Variants in AATK observed in about 807,000 individuals in gnomAD.
AATK encodes serine/threonine-protein kinase LMTK1.
AATK carries 91 observed loss-of-function variants against 114.3 expected under a neutral mutation model. That is an observed-to-expected ratio of 0.80 (90% CI 0.67 to 0.95). AATK has a LOEUF of 0.95. Ranked by LOEUF, AATK falls within the 40% of genes least tolerant of loss-of-function variation. The pLI is 0.00. For synonymous variants in AATK, 1,075 were observed against 916.5 expected (o/e 1.17, Z -3.12); for missense variants, 2,176 against 1,965.2 (o/e 1.11, Z -2.03).
intron 1 of AATK, among the ~76,000 whole-genome samples, chr17:81,146,599 C>T (rs1343862911): frequency 2.0e-5 from 3 of 152,012 alleles, no homozygotes; most frequent in Admixed American, 2.0e-4. Flanking sequence ...GCCTGTAGTC[C>T]CAGCTACTCG....
Position 81,120,884 on chromosome 17 carries a change from C to T in AATK, c.3052G>A (p.Asp1018Asn), listed in dbSNP as rs368416739. Residue 1018 changes from aspartate to asparagine, a missense_variant, in exon 11 of 14, where the codon GAC (aspartate) becomes AAC (asparagine). By Grantham distance (23) the Asp-to-Asn change is conservative. Coordinates refer to ENST00000326724, the MANE Select transcript of AATK (RefSeq NM_001080395.3). The part of the protein sequence containing the change: ...TSGPEKKCGG[D>N]RAPGPELGLP... ...CCCAGCTCTGGCCCGGGGGCTCGGT[C>T]CCCGCCGCACTTCTTCTCTGGGCCT... 6.3e-7 allele frequency: 1 copy of T among 1,582,030 alleles called. No homozygotes were observed. Among genetic ancestry groups the T allele is most frequent in the Non-Finnish European group, 8.6e-7 (1 of 1,164,558 alleles).
intron 1 of AATK, chr17:81,165,683 T>C (rs1034163059): frequency 1.3e-6 from 2 of 1,511,746 alleles, no homozygotes; most frequent in South Asian, 1.2e-5. Context: ...CCCAGTTACC[T>C]GTGCCCTGGA....
intron 1 of AATK, among the ~76,000 whole-genome samples, chr17:81,159,845 C>T (rs2061409574): frequency 6.6e-6 from 1 of 152,088 alleles, no homozygotes; most frequent in African/African-American, 2.4e-5. Context: ...AGCCTGGCTC[C>T]CCCAGGCCAG....
rs763511816 is a variant in AATK, at chr17:81,125,026, GGCAGGGGCAGGGGCAGGGTGA to G, written c.756-33_756-13del. 6.1e-6 allele frequency: 9 copies of G among 1,475,914 alleles called. No individual in the cohort carries two copies. The highest frequency in any genetic ancestry group is 5.0e-5 in the East Asian group (2 of 39,982). The allele number at this position is 1,475,914 out of a possible 1,614,324, so 91.4% of individuals were successfully genotyped here. ...GCAGGGCCAGGTCGCTGCAGGCAGG[GGCAGGGGCAGGGGCAGGGTGA>G]GCAGGGTGAGCAGGGTGTGCCGGGT... On this transcript the variant is annotated splice_polypyrimidine_tract_variant and intron_variant, in intron 7 of 13. Coordinates refer to ENST00000326724, the MANE Select transcript of AATK (RefSeq NM_001080395.3).
intron 13 of AATK, 114 bp downstream of exon 13, chr17:81,119,266 C>CTGGGAA: frequency 8.7e-7 from 1 of 1,144,102 alleles, no homozygotes; most frequent in Non-Finnish European, 1.2e-6. Context: ...AGGAGCGGAG[C>CTGGGAA]GGAGCGGAGC....
chr17:81,165,479 G>A (rs1032950429), intron 1 of AATK: 2 of 427,512 alleles, frequency 4.7e-6, no homozygotes, highest in Admixed American at 3.4e-5. Flanking sequence ...ATCCCCCGCC[G>A]GCTGCTGGTG....
Position 81,122,364 on chromosome 17 carries a change from C to T in AATK, c.1572G>A (p.Pro524=), listed in dbSNP as rs1422042382. 3 of 1,507,320 alleles carry T rather than the reference C, an allele frequency of 2.0e-6. No homozygotes were observed. Among genetic ancestry groups the T allele is most frequent in the South Asian group, 1.2e-5 (1 of 82,176 alleles). 93.4% of individuals were successfully genotyped at this position (1,507,320 alleles called of 1,614,324 possible). Residue 524 remains proline, a synonymous_variant, in exon 11 of 14, where the codon CCG becomes CCA. Coordinates refer to ENST00000326724, the MANE Select transcript of AATK (RefSeq NM_001080395.3). ...GGATGAAGTACTCGCTGCCCAGCGA[C>T]GGGCTGTGCGCGCTGAGCACCGGAA... ...GVVPVLSAHS[P]SLGSEYFIRL... is the part of the protein sequence containing the mutation.
intron 1 of AATK, among the ~76,000 whole-genome samples, chr17:81,139,574 G>T (rs56243117): frequency 2.9e-4 from 6 of 20,764 alleles, no homozygotes; most frequent in Non-Finnish European, 9.5e-4. Flanking sequence ...CACATGCTGC[G>T]CGGCCCCCAG....
chr17:81,145,262 A>AGAAAAG (rs2061200877), intron 1 of AATK, among the ~76,000 whole-genome samples: 1 of 30,704 alleles, frequency 3.3e-5, no homozygotes, highest in Non-Finnish European at 8.8e-5. Flanking sequence ...AAAAAGAAAA[A>AGAAAAG]GAAAAAAGAA....
At position 81,126,605 on chromosome 17, in the gene AATK, G is replaced by C. The variant is rs1166712564; in HGVS notation, c.622-45C>G. The stretch of plus-strand genomic sequence containing the variant: ...CGCAGTCACCAGCAGGCTGGGGGCT[G>C]GCCACCCTGGGAGGTCCCCACCTAC... On this transcript the variant is annotated intron_variant, in intron 6 of 13. Coordinates refer to ENST00000326724, the MANE Select transcript of AATK (RefSeq NM_001080395.3). The surrounding 1 kb of genome is among the most constrained non-coding windows in gnomAD (Gnocchi z 5.1). 6.6e-7 allele frequency: 1 copy of C among 1,516,796 alleles called. No individual in the cohort carries two copies. The highest frequency in any genetic ancestry group is 2.0e-5 in the Admixed American group (1 of 49,038). 94.0% of individuals were successfully genotyped at this position (1,516,796 alleles called of 1,614,324 possible).
intron 12 of AATK, 121 bp downstream of exon 12, chr17:81,119,814 TC>T: frequency 7.5e-7 from 1 of 1,333,048 alleles, no homozygotes. Flanking sequence ...AAAGCCCGCC[TC>T]CCACGCGTCA....
At chr17:81,162,299 AG>A (rs141064115) in intron 1 of AATK, among the ~76,000 whole-genome samples, 7,469 of 151,894 alleles carry the variant, frequency 0.049, 257 homozygotes, top group Non-Finnish European at 0.077. Context: ...GAGAGGAAGT[AG>A]GGGGATGGGC....
chr17:81,124,573 C>T (rs2060768684), intron 9 of AATK, among the ~76,000 whole-genome samples, 154 bp downstream of exon 9: 1 of 152,214 alleles, frequency 6.6e-6, no homozygotes, highest in Non-Finnish European at 1.5e-5. Context: ...GGTGTGGGGT[C>T]GCCACCCAAC....
Position 81,118,462 on chromosome 17 carries a change from A to T in AATK, c.4085-20T>A. 1 of 1,603,970 alleles carries T rather than the reference A, an allele frequency of 6.2e-7. No individual in the cohort carries two copies. The highest frequency in any genetic ancestry group is 8.5e-7 in the Non-Finnish European group (1 of 1,176,164). Reference sequence around the variant, plus strand: ...CAGGTCCTGGCAAGCAGGACAACAAAGTGAACACAGGGTTCTGAGACACCA... The same window carrying T: ...CAGGTCCTGGCAAGCAGGACAACAATGTGAACACAGGGTTCTGAGACACCA... On this transcript the variant is annotated intron_variant, in intron 13 of 13. Coordinates refer to ENST00000326724, the MANE Select transcript of AATK (RefSeq NM_001080395.3).
intron 1 of AATK, among the ~76,000 whole-genome samples, chr17:81,137,385 C>T (rs1364628885): frequency 6.6e-6 from 1 of 152,068 alleles, no homozygotes; most frequent in Non-Finnish European, 1.5e-5. Flanking sequence ...ACGAGAGGAC[C>T]CTGGGCAGAG....
chr17:81,124,470 C>T lies in AATK; in HGVS notation c.962+257G>A, dbSNP rs1171085373. On this transcript the variant is annotated intron_variant, in intron 9 of 13. Coordinates refer to ENST00000326724, the MANE Select transcript of AATK (RefSeq NM_001080395.3). The stretch of plus-strand genomic sequence containing the variant: ...AGGCCCCCGTCTCAGGACAGACCCC[C>T]CGGCATGCTGAAGACGGGCCGTTGG... Among the ~76,000 whole-genome samples the T allele has an allele frequency of 3.9e-5, 6 of 152,344 alleles. No individual in the cohort carries two copies. The South Asian group carries it at 6.2e-4, about 16-fold the overall frequency.
rs750056517 is a variant in AATK at position 81,126,502 on chromosome 17, G to T, written c.680C>A (p.Pro227His). The change falls in exon 7 of 14, where the codon CCC (proline) becomes CAC (histidine). Residue 227 changes from proline (P) to histidine (H), a missense_variant. Transcript: ENST00000326724. This position sits in a 1 kb window ranked among gnomAD's most constrained non-coding sequence, Gnocchi z 5.1. ...ACAGGCCATGCGCTGCAGGGTCCGG[G>T]GGTCGGGAGCCATGGACTCCGCCAC... Reference protein sequence around the residue: ...CRVAESMAPDPRTLQRMACEV... With the variant: ...CRVAESMAPDHRTLQRMACEV... 6.4e-7 allele frequency: 1 copy of T among 1,551,534 alleles called. No homozygotes were observed. Among genetic ancestry groups the T allele is most frequent in the South Asian group, 1.2e-5 (1 of 84,160 alleles).
At chr17:81,146,664 C>T (rs1000691483) in intron 1 of AATK, among the ~76,000 whole-genome samples, 1 of 151,920 alleles carries the variant, frequency 6.6e-6, no homozygotes, top group African/African-American at 2.4e-5. Context: ...TGTAGTGAGC[C>T]GCCCAGATCG....
intron 1 of AATK, among the ~76,000 whole-genome samples, chr17:81,146,706 A>G (rs985821482): frequency 1.3e-5 from 2 of 152,082 alleles, no homozygotes; most frequent in Non-Finnish European, 2.9e-5. Flanking sequence ...ATGACAGAGC[A>G]AGACGCTGTC....
Sources: gnomAD v4.1 joint callset for allele counts (sites outside exome capture counted in the v4.1 genomes callset) on GRCh38, gnomAD v4.1.1 for gene constraint, Gnocchi (gnomAD v3.1) non-coding constraint, MANE v1.5 for transcripts, NCBI Gene and HGNC (gene_info 2026-07-23, HGNC 2026-07-21) for gene names.